The following DIP2C variants were observed in gnomAD, a reference collection of about 807,000 sequenced individuals.
DIP2C encodes the protein disco-interacting protein 2 homolog C.
In DIP2C, 33 loss-of-function variants were observed where a neutral mutation model predicts 192.4. The ratio of observed to expected loss-of-function variants is 0.17; its 90% confidence interval spans 0.13 to 0.23. DIP2C has a LOEUF of 0.23. DIP2C is among the 10% of genes least tolerant of loss of function. The pLI, the probability that DIP2C is intolerant of heterozygous loss-of-function variation, is 1.00. For missense variants in DIP2C, 1,537 were observed against 2,110.1 expected (o/e 0.73, Z 5.32); for synonymous variants, 979 against 864.1 (o/e 1.13, Z -2.33).
At chr10:629,124 G>C (rs1047912301) in intron 1 of DIP2C, among the ~76,000 whole-genome samples, 1 of 152,228 alleles carries the variant, frequency 6.6e-6, no homozygotes, top group African/African-American at 2.4e-5. Context: ...AGAAAATAAA[G>C]GCTGGTGATG....
At position 604,424 on chromosome 10, in the gene DIP2C, G is replaced by A. The variant is rs145124152; in HGVS notation, c.85+85070C>T. On this transcript the variant is annotated intron_variant, in intron 1 of 36. Transcript: ENST00000280886. ...CCTAGATGGAGGGATGAACACATTC[G>A]GAACAGAATCAATGTAACTCAACAT... 3.0e-3 allele frequency among the ~76,000 whole-genome samples: 455 copies of A among 152,272 alleles called. 4 individuals are homozygous for A. The highest frequency in any genetic ancestry group is 0.01 in the African/African-American group (424 of 41,568).
chr10:573,514 TTC>T (rs1052662610), intron 1 of DIP2C, among the ~76,000 whole-genome samples: 7 of 152,180 alleles, frequency 4.6e-5, no homozygotes, highest in Non-Finnish European at 7.3e-5. Context: ...GCTCAAGCGA[TTC>T]TCTTACTTCA....
At chr10:483,358 AGAAAGCAGCCTC>A (rs1231681319) in intron 2 of DIP2C, among the ~76,000 whole-genome samples, 94 of 152,384 alleles carry the variant, frequency 6.2e-4, no homozygotes, top group African/African-American at 2.0e-3. Context: ...GGGCCAACCA[AGAAAGCAGCCTC>A]GGCTTTGGAA....
At chr10:500,734 A>G (rs145237660) in intron 1 of DIP2C, among the ~76,000 whole-genome samples, 70 of 152,364 alleles carry the variant, frequency 4.6e-4, no homozygotes, top group African/African-American at 1.5e-3. Flanking sequence ...AATGACTCCA[A>G]TGATTTTCTT....
chr10:673,278 A>G (rs554506567), intron 1 of DIP2C, among the ~76,000 whole-genome samples: 13 of 152,326 alleles, frequency 8.5e-5, no homozygotes, highest in African/African-American at 2.9e-4. Flanking sequence ...AAAGATTCCA[A>G]TGCCTGCGAT....
At chr10:676,422 C>A (rs1830879622) in intron 1 of DIP2C, among the ~76,000 whole-genome samples, 1 of 150,990 alleles carries the variant, frequency 6.6e-6, no homozygotes, top group South Asian at 2.1e-4. Flanking sequence ...AGCAATCAGG[C>A]AAGAGAAAGA....
At chr10:602,964 G>T (rs541070164) in intron 1 of DIP2C, among the ~76,000 whole-genome samples, 1 of 152,090 alleles carries the variant, frequency 6.6e-6, no homozygotes, top group Non-Finnish European at 1.5e-5. Flanking sequence ...GTTGGGGGAG[G>T]CAAGAGTGCT....
chr10:414,855 TG>T lies in DIP2C; in HGVS notation c.860-746del, dbSNP rs1159946554. Among the ~76,000 whole-genome samples, 28 of 28,986 alleles carry T rather than the reference TG, an allele frequency of 9.7e-4. No homozygotes were observed. The South Asian group carries it at 0.02, about 21-fold the overall frequency. 19.0% of individuals were successfully genotyped at this position (28,986 alleles called of 152,430 possible). ...ATATATACACACACATATATATTTG[TG>T]TGTGTGTGTGTGTGTGTGTGTGTGT... is the stretch of plus-strand genomic sequence containing the variant. On this transcript the variant is annotated intron_variant, in intron 7 of 36. Transcript: ENST00000280886.
chr10:520,932 C>G (rs1428654010), intron 1 of DIP2C, among the ~76,000 whole-genome samples: 2 of 152,158 alleles, frequency 1.3e-5, no homozygotes, highest in Non-Finnish European at 2.9e-5. Context: ...AGTTTAATTA[C>G]ATTTGACGTT....
chr10:327,497 A>T (rs1045387563), intron 30 of DIP2C, among the ~76,000 whole-genome samples: 1 of 152,228 alleles, frequency 6.6e-6, no homozygotes, highest in Non-Finnish European at 1.5e-5. Flanking sequence ...CGTTCGGGAA[A>T]AGAGAGCCAT....
intron 32 of DIP2C, among the ~76,000 whole-genome samples, chr10:298,343 G>C (rs377346305): frequency 6.6e-6 from 1 of 152,134 alleles, no homozygotes; most frequent in Admixed American, 6.6e-5. Context: ...TTTTGGAAAA[G>C]GGCTTTAGAG....
In DIP2C at chr10:357,739, G is replaced by T. The variant is rs1448869865; in HGVS notation, c.2904+89C>A. 41 of 961,724 alleles carry T rather than the reference G, an allele frequency of 4.3e-5. 1 individual carries two copies. In the South Asian group the frequency reaches 6.1e-4, roughly 14 times the overall value. The allele number at this position is 961,724 out of a possible 1,614,324, so 59.6% of individuals were successfully genotyped here. A position where few individuals can be genotyped will look rare whatever the true frequency, so the allele number is the denominator to read the frequency against. ...GGACTGTCAGGGAAGGTAGGGGACA[G>T]TCGGGTACTGTCGGGGATGGTCGCA... On this transcript the variant is annotated intron_variant, in intron 23 of 36. Coordinates refer to ENST00000280886, the MANE Select transcript of DIP2C (RefSeq NM_014974.3).
chr10:352,524 G>A (rs1958871545), intron 24 of DIP2C, among the ~76,000 whole-genome samples: 1 of 152,200 alleles, frequency 6.6e-6, no homozygotes, highest in Non-Finnish European at 1.5e-5. Flanking sequence ...TTCTTAAAAA[G>A]CCCCTTGAGA....
intron 1 of DIP2C, among the ~76,000 whole-genome samples, chr10:511,367 C>T (rs1845999977): frequency 6.6e-6 from 1 of 152,178 alleles, no homozygotes; most frequent in African/African-American, 2.4e-5. Flanking sequence ...CAACAGAGTT[C>T]CATGTCGTTA....
At chr10:422,655 G>A (rs1966277800) in intron 5 of DIP2C, among the ~76,000 whole-genome samples, 169 bp downstream of exon 5, 1 of 152,212 alleles carries the variant, frequency 6.6e-6, no homozygotes, top group Non-Finnish European at 1.5e-5. Context: ...CTGGGCATGA[G>A]AAGTGTAAAG....
intron 1 of DIP2C, among the ~76,000 whole-genome samples, chr10:510,444 G>A (rs1050144957): frequency 6.6e-6 from 1 of 152,206 alleles, no homozygotes; most frequent in Admixed American, 6.5e-5. Flanking sequence ...AGCTGCAGGT[G>A]CACTGCCGTA....
chr10:440,373 C>T (rs1223862828), intron 4 of DIP2C, among the ~76,000 whole-genome samples: 1 of 152,168 alleles, frequency 6.6e-6, no homozygotes, highest in Non-Finnish European at 1.5e-5. Flanking sequence ...TGTGACAGAC[C>T]TTATGGCCTG....
intron 1 of DIP2C, among the ~76,000 whole-genome samples, chr10:673,578 G>C (rs767593760): frequency 6.6e-6 from 1 of 152,184 alleles, no homozygotes; most frequent in Non-Finnish European, 1.5e-5. Flanking sequence ...CCCTGCATGA[G>C]AATTCCTGCA....
rs565300316 is a variant in DIP2C, at chr10:445,328, GTC to G, written c.269-4334_269-4333del. On this transcript the variant is annotated intron_variant, in intron 3 of 36. Transcript: ENST00000280886. ...CATCTGTATACATCTGTTGTGAAGA[GTC>G]TGTCTTGCACTGGACATCTGTATAC... Among the ~76,000 whole-genome samples, 116 of 152,206 alleles carry G rather than the reference GTC, an allele frequency of 7.6e-4. No individual in the cohort carries two copies. The Middle Eastern group carries it at 0.01, about 13-fold the overall frequency.
Sources: allele counts gnomAD v4.1 joint callset (sites outside exome capture counted in the v4.1 genomes callset), GRCh38; gene constraint gnomAD v4.1.1; transcripts MANE v1.5; gene names NCBI Gene and HGNC (gene_info 2026-07-23, HGNC 2026-07-21).